Variants in PTK2B observed in about 807,000 individuals in gnomAD.
PTK2B encodes the protein protein-tyrosine kinase 2-beta.
PTK2B carries 71 observed loss-of-function variants against 142.9 expected under a neutral mutation model. That is an observed-to-expected ratio of 0.50 (90% CI 0.41 to 0.61). The LOEUF (loss-of-function observed/expected upper bound fraction) is 0.61, where lower values mean the gene tolerates loss of function less well. Ranked by LOEUF, PTK2B falls within the 20% of genes least tolerant of loss-of-function variation. The pLI is 0.00. For synonymous variants in PTK2B, 519 were observed against 503.4 expected, an observed-to-expected ratio of 1.03 and a Z score of -0.42; for missense variants, 1,105 against 1,320.4, an observed-to-expected ratio of 0.84 and a Z score of 2.53.
At chr8:27,426,210 T>C (rs1810074671) in intron 5 of PTK2B, among the ~76,000 whole-genome samples, 1 of 152,258 alleles carries the variant, frequency 6.6e-6, no homozygotes, top group Admixed American at 6.5e-5. Flanking sequence ...TTAATTTCTA[T>C]TGATGTTTAG....
At position 27,450,685 on chromosome 8, in the gene PTK2B, T is replaced by C. The variant is rs150065951; in HGVS notation, c.2341-64T>C. 8.6e-4 allele frequency: 1,376 copies of C among 1,592,090 alleles called. 13 individuals carry two copies. In the African/African-American group the frequency reaches 0.013, roughly 15 times the overall value. ...TGCCATGAGGTTCTTCAGAGGACTG[T>C]CCCTCCCTGAGTCTGAGAGCAGGGC... On this transcript the variant is annotated intron_variant, in intron 24 of 30. Transcript: ENST00000346049.
chr8:27,440,785 C>T (rs939950615), intron 21 of PTK2B, among the ~76,000 whole-genome samples: 2 of 152,218 alleles, frequency 1.3e-5, no homozygotes, highest in Admixed American at 6.5e-5. Context: ...TTCCTCTCGC[C>T]TTGTCTCTCG....
At chr8:27,399,256 C>T (rs1808238390) in intron 2 of PTK2B, among the ~76,000 whole-genome samples, 1 of 152,100 alleles carries the variant, frequency 6.6e-6, no homozygotes, top group Non-Finnish European at 1.5e-5. Flanking sequence ...GGACATGTTC[C>T]ATAGAGTCAG....
chr8:27,451,104 C>A, intron 26 of PTK2B, 26 bp downstream of exon 26: 1 of 1,607,398 alleles, frequency 6.2e-7, no homozygotes, highest in Non-Finnish European at 8.5e-7. Flanking sequence ...AGGCCGCCTC[C>A]TCCATGCCAA....
At chr8:27,428,953 C>G (rs907362140) in intron 5 of PTK2B, among the ~76,000 whole-genome samples, 1 of 152,188 alleles carries the variant, frequency 6.6e-6, no homozygotes, top group African/African-American at 2.4e-5. Context: ...GAGTTTCACT[C>G]TTGTCACCCA....
At chr8:27,373,453 C>G (rs1043456716) in intron 1 of PTK2B, among the ~76,000 whole-genome samples, 1 of 152,150 alleles carries the variant, frequency 6.6e-6, no homozygotes, top group African/African-American at 2.4e-5. Context: ...GAGAATTGGC[C>G]TTGGGCAAGC....
chr8:27,341,123 G>A (rs1325013442), intron 1 of PTK2B, among the ~76,000 whole-genome samples: 1 of 152,206 alleles, frequency 6.6e-6, no homozygotes, highest in Non-Finnish European at 1.5e-5. Flanking sequence ...GCGCTGTGGT[G>A]GAGGGAAGGG....
At chr8:27,426,808 T>G (rs1810111699) in intron 5 of PTK2B, among the ~76,000 whole-genome samples, 1 of 152,210 alleles carries the variant, frequency 6.6e-6, no homozygotes, top group Non-Finnish European at 1.5e-5. Flanking sequence ...TAATAAAACA[T>G]TTTTCCATTC....
intron 1 of PTK2B, among the ~76,000 whole-genome samples, chr8:27,357,786 A>G (rs1805471143): frequency 2.0e-5 from 3 of 152,192 alleles, no homozygotes. Context: ...AGCTGCATTC[A>G]TTCATTCATC....
At chr8:27,354,459 C>T (rs1196845826) in intron 1 of PTK2B, among the ~76,000 whole-genome samples, 2 of 152,114 alleles carry the variant, frequency 1.3e-5, no homozygotes, top group African/African-American at 4.8e-5. Flanking sequence ...CAGTGAAATT[C>T]TCCCAAGCAG....
At chr8:27,370,464 T>C (rs1402683457) in intron 1 of PTK2B, among the ~76,000 whole-genome samples, 4 of 152,250 alleles carry the variant, frequency 2.6e-5, no homozygotes, top group Non-Finnish European at 5.9e-5. Context: ...GGCATATCAC[T>C]CACCTCCTCT....
intron 1 of PTK2B, among the ~76,000 whole-genome samples, chr8:27,328,942 CTTTT>C (rs147983841): frequency 2.7e-5 from 4 of 145,952 alleles, no homozygotes; most frequent in Admixed American, 1.4e-4. Flanking sequence ...TGCGTGCAAC[CTTTT>C]TTTTTTTTTG....
chr8:27,441,611 G>T (rs1057367963), intron 21 of PTK2B, among the ~76,000 whole-genome samples: 2 of 152,240 alleles, frequency 1.3e-5, no homozygotes, highest in African/African-American at 4.8e-5. Flanking sequence ...GTTTTCTGTG[G>T]GGCAGGGCCT....
intron 1 of PTK2B, among the ~76,000 whole-genome samples, chr8:27,365,067 G>A (rs139699212): frequency 2.6e-5 from 4 of 152,240 alleles, no homozygotes; most frequent in African/African-American, 9.6e-5. Context: ...TTCAACCCAC[G>A]TCTTCTTGTT....
intron 13 of PTK2B, 37 bp from the exon 14 acceptor site, chr8:27,435,706 A>G (rs984321276): frequency 2.5e-6 from 4 of 1,612,250 alleles, no homozygotes; most frequent in Non-Finnish European, 3.4e-6. Context: ...CACCAAGGGC[A>G]TCTTGTCCAC....
intron 3 of PTK2B, among the ~76,000 whole-genome samples, chr8:27,314,436 C>T (rs940535277): frequency 6.6e-6 from 1 of 152,142 alleles, no homozygotes; most frequent in Non-Finnish European, 1.5e-5. Context: ...ATACAACGGG[C>T]GCGTGTGGTG....
At chr8:27,349,002 C>A (rs955905280) in intron 1 of PTK2B, among the ~76,000 whole-genome samples, 1 of 152,132 alleles carries the variant, frequency 6.6e-6, no homozygotes, top group Non-Finnish European at 1.5e-5. Context: ...CCCCATCAGG[C>A]ATGTTTCTCC....
At chr8:27,394,284 C>T (rs1247366430) in intron 1 of PTK2B, among the ~76,000 whole-genome samples, 2 of 152,150 alleles carry the variant, frequency 1.3e-5, no homozygotes, top group Non-Finnish European at 2.9e-5. Context: ...ATCATCATTT[C>T]TCTGGTTTAC....
At chr8:27,342,191 C>T (rs929397256) in intron 1 of PTK2B, among the ~76,000 whole-genome samples, 1 of 152,180 alleles carries the variant, frequency 6.6e-6, no homozygotes, top group Admixed American at 6.5e-5. Flanking sequence ...TCAGAACCCC[C>T]TACTCCACGG....
Sources: allele counts gnomAD v4.1 joint callset (sites outside exome capture counted in the v4.1 genomes callset), GRCh38; gene constraint gnomAD v4.1.1; transcripts MANE v1.5; gene names NCBI Gene and HGNC (gene_info 2026-07-23, HGNC 2026-07-21).